The following ZNF391 variants were observed in gnomAD, a reference collection of about 807,000 sequenced individuals.
The protein encoded by ZNF391 is zinc finger protein 391.
For synonymous variants in ZNF391, 126 were observed against 142.1 expected (o/e 0.89, Z 0.80); for missense variants, 375 against 425.5 (o/e 0.88, Z 1.04).
intron 1 of ZNF391, among the ~76,000 whole-genome samples, chr6:27,379,296 G>C (rs1174312313): frequency 6.6e-6 from 1 of 152,054 alleles, no homozygotes; most frequent in Non-Finnish European, 1.5e-5. Context: ...ACTTGTTGCA[G>C]TGCCATATAA....
At chr6:27,393,624 T>C (rs1031706888) in intron 1 of ZNF391, among the ~76,000 whole-genome samples, 1 of 152,184 alleles carries the variant, frequency 6.6e-6, no homozygotes, top group African/African-American at 2.4e-5. Context: ...AAAGGAACTT[T>C]GGAACTGGGT....
At chr6:27,398,731 C>T (rs1289974987) in intron 1 of ZNF391, among the ~76,000 whole-genome samples, 4 of 152,000 alleles carry the variant, frequency 2.6e-5, no homozygotes, top group African/African-American at 9.7e-5. Flanking sequence ...TGGTGGCGAG[C>T]ACCTGTAGTC....
At chr6:27,390,614 A>G (rs1420172453) in intron 1 of ZNF391, among the ~76,000 whole-genome samples, 1 of 152,162 alleles carries the variant, frequency 6.6e-6, no homozygotes, top group Non-Finnish European at 1.5e-5. Flanking sequence ...CCCATCTTAC[A>G]TACATCCTCC....
chr6:27,400,799 GA>G lies in ZNF391; in HGVS notation c.432del (p.Lys144AsnfsTer93). ...AGCCTTTTGAATGCAACAAATGTGG[GA>G]AATCTTTCAGCCGAAGTACACACCT... Reference protein sequence around the residue: ...EKPFECNKCGKSFSRSTHLIE... With the variant: ...EKPFECNKCGXSFSRSTHLIE... On this transcript the variant is annotated frameshift_variant, in exon 3 of 3. Coordinates refer to ENST00000244576, the MANE Select transcript of ZNF391 (RefSeq NM_001076781.3). LOFTEE classifies it low-confidence loss of function (END_TRUNC). 17 of 1,614,158 alleles carry G rather than the reference GA, an allele frequency of 1.1e-5. No individual in the cohort carries two copies. The highest frequency in any genetic ancestry group is 1.4e-5 in the Non-Finnish European group (17 of 1,180,036).
rs1355494352 is a variant in ZNF391, at chr6:27,401,750, A to G, written c.*303A>G. On this transcript the variant is annotated 3_prime_UTR_variant, in exon 3 of 3. Transcript: ENST00000244576. ...AAAAACATAACATATGAAATCTAAT[A>G]TTCTGAAGGGCTCCAACTTTAGAGT... The G allele has an allele frequency of 1.4e-5, 3 of 219,918 alleles. No individual in the cohort carries two copies. The highest frequency in any genetic ancestry group is 5.1e-5 in the Admixed American group (1 of 19,766). The allele number at this position is 219,918 out of a possible 1,614,324, so 13.6% of individuals were successfully genotyped here.
Position 27,401,117 on chromosome 6 carries a change from T to C in ZNF391, c.747T>C (p.Tyr249=), listed in dbSNP as rs775162195. ...GAATACACACTGGAGAGAATCCCTA[T>C]GAATGCAGTAAATGTGGAAAAGCTT... ...HQRIHTGENP[Y]ECSKCGKAFS... The change falls in exon 3 of 3, where the codon TAT becomes TAC. Residue 249 remains tyrosine, a synonymous_variant. Coordinates refer to ENST00000244576, the MANE Select transcript of ZNF391 (RefSeq NM_001076781.3). The C allele has an allele frequency of 6.2e-7, 1 of 1,614,082 alleles. No individual in the cohort carries two copies. Among genetic ancestry groups the C allele is most frequent in the Non-Finnish European group, 8.5e-7 (1 of 1,180,034 alleles).
intron 1 of ZNF391, among the ~76,000 whole-genome samples, chr6:27,392,727 C>T (rs570773056): frequency 3.3e-5 from 5 of 152,308 alleles, no homozygotes; most frequent in East Asian, 1.9e-4. Flanking sequence ...ATTTACAGGC[C>T]GCTAAACAGA....
intron 1 of ZNF391, among the ~76,000 whole-genome samples, chr6:27,393,942 A>C (rs968172408): frequency 1.3e-5 from 2 of 152,212 alleles, no homozygotes; most frequent in Non-Finnish European, 2.9e-5. Context: ...TAAGCAGCAA[A>C]GGAAGATGTA....
chr6:27,387,075 CAAAT>C (rs1303095643), upstream of ZNF391, among the ~76,000 whole-genome samples: 1 of 152,084 alleles, frequency 6.6e-6, no homozygotes, highest in Non-Finnish European at 1.5e-5. Context: ...AGAAGACACA[CAAAT>C]AAGTACATGA....
rs932755803 is a variant in ZNF391, at chr6:27,379,736, G to A, written n.523+4599G>A. Among the ~76,000 whole-genome samples, 22 of 152,312 alleles carry A rather than the reference G, an allele frequency of 1.4e-4. 1 individual carries two copies. In the Middle Eastern group the frequency reaches 0.01, roughly 71 times the overall value. On this transcript the variant is annotated intron_variant and non_coding_transcript_variant, in intron 1 of 2. Coordinates refer to the ZNF391 transcript ENST00000477999. Reference sequence around the variant, plus strand: ...AGGAACCATTTTGAAATATGCCACAGCATTCTGTACTTCTCAACAAGGTCA... The same window carrying A: ...AGGAACCATTTTGAAATATGCCACAACATTCTGTACTTCTCAACAAGGTCA...
At position 27,396,810 on chromosome 6, in the gene ZNF391, A is replaced by G. The variant is rs149677447; in HGVS notation, c.-187-2632A>G. Among the ~76,000 whole-genome samples, 7 of 152,360 alleles carry G rather than the reference A, an allele frequency of 4.6e-5. No individual in the cohort carries two copies. In the East Asian group the frequency reaches 1.3e-3, roughly 29 times the overall value. ...TGCAAAATACTTTGTATGTATGCAT[A>G]AAGTGTTACTAGGTTTTAGTTTCAG... On this transcript the variant is annotated intron_variant, in intron 1 of 2. Coordinates refer to ENST00000244576, the MANE Select transcript of ZNF391 (RefSeq NM_001076781.3).
intron 1 of ZNF391, among the ~76,000 whole-genome samples, chr6:27,390,807 G>A (rs919898465): frequency 6.6e-6 from 1 of 152,178 alleles, no homozygotes. Flanking sequence ...ATTCTTTATT[G>A]TAAATGTTTT....
At position 27,401,137 on chromosome 6, in the gene ZNF391, A is replaced by T; in HGVS notation, c.767A>T (p.Lys256Ile). ...CCCTATGAATGCAGTAAATGTGGAA[A>T]AGCTTTCAGTTGGATCTCATCGCTT... is the stretch of plus-strand genomic sequence containing the variant. The part of the protein sequence containing the change: ...ENPYECSKCG[K>I]AFSWISSLTE... The change falls in exon 3 of 3, where the codon AAA becomes ATA. Residue 256 changes from lysine to isoleucine, a missense_variant. Coordinates refer to ENST00000244576, the MANE Select transcript of ZNF391 (RefSeq NM_001076781.3). The T allele has an allele frequency of 6.2e-7, 1 of 1,614,238 alleles. No individual in the cohort carries two copies. The highest frequency in any genetic ancestry group is 1.3e-5 in the African/African-American group (1 of 75,062).
At chr6:27,395,909 A>G (rs1008469160) in intron 1 of ZNF391, among the ~76,000 whole-genome samples, 2 of 152,208 alleles carry the variant, frequency 1.3e-5, no homozygotes, top group Non-Finnish European at 2.9e-5. Context: ...CACTAAGTAC[A>G]ACATTCCCAT....
At chr6:27,391,626 A>G (rs1012059837) in intron 1 of ZNF391, among the ~76,000 whole-genome samples, 6 of 152,106 alleles carry the variant, frequency 3.9e-5, no homozygotes, top group Non-Finnish European at 8.8e-5. Context: ...GCAACTGTCT[A>G]CCTCTCCATA....
chr6:27,379,030 G>C (rs996842010), intron 1 of ZNF391, among the ~76,000 whole-genome samples: 2 of 152,028 alleles, frequency 1.3e-5, no homozygotes, highest in African/African-American at 4.8e-5. Context: ...CTTGCTCTTG[G>C]TATTTGTAAC....
At chr6:27,382,669 G>C (rs957706553) in intron 1 of ZNF391, among the ~76,000 whole-genome samples, 5 of 152,134 alleles carry the variant, frequency 3.3e-5, no homozygotes, top group African/African-American at 1.2e-4. Flanking sequence ...GGTAATGTTA[G>C]CACAGAGATA....
upstream of ZNF391, among the ~76,000 whole-genome samples, chr6:27,385,052 A>G (rs1233822277): frequency 6.6e-6 from 1 of 152,002 alleles, no homozygotes; most frequent in Non-Finnish European, 1.5e-5. Context: ...ATTATAAGGT[A>G]CTTGCCATAC....
At chr6:27,393,463 T>C (rs12212348) in intron 1 of ZNF391, among the ~76,000 whole-genome samples, 7,370 of 152,292 alleles carry the variant, frequency 0.048, 257 homozygotes, top group Non-Finnish European at 0.072. Context: ...TCACCATGGT[T>C]GTACAGCCTG....
Sources: allele counts gnomAD v4.1 joint callset (sites outside exome capture counted in the v4.1 genomes callset), GRCh38; gene constraint gnomAD v4.1.1; transcripts MANE v1.5; gene names NCBI Gene and HGNC (gene_info 2026-07-23, HGNC 2026-07-21).